B4GALNT2: variants seen among roughly 807,000 people sequenced by gnomAD.
B4GALNT2 encodes the protein beta-1,4-N-acetyl-galactosaminyltransferase 2 (SID blood group).
In B4GALNT2, 42 loss-of-function variants were observed where a neutral mutation model predicts 51.1. The observed-to-expected ratio is 0.82, with a 90% CI of 0.64 to 1.06. B4GALNT2 has a LOEUF of 1.06. Ranked by LOEUF, B4GALNT2 falls within the 50% of genes least tolerant of loss-of-function variation. The pLI, the probability that B4GALNT2 is intolerant of heterozygous loss-of-function variation, is 0.00. For missense variants in B4GALNT2, 602 were observed against 633.6 expected (o/e 0.95, Z 0.54); for synonymous variants, 253 against 251.7 (o/e 1.01, Z -0.05).
In B4GALNT2 at chr17:49,174,805, C is replaced by T. The variant is rs964262699; in HGVS notation, c.*5077C>T. ...AATGGCTGCCATCAAAAATGATATC[C>T]TAAACCTTGGCAGGAACTTTGTCTT... On this transcript the variant is annotated 3_prime_UTR_variant, in exon 11 of 11. Coordinates refer to ENST00000393354, the MANE Select transcript of B4GALNT2 (RefSeq NM_001159387.2). The T allele has an allele frequency of 1.3e-5, 2 of 152,154 alleles. No individual in the cohort carries two copies. The highest frequency in any genetic ancestry group is 4.8e-5 in the African/African-American group (2 of 41,432). 9.4% of individuals were successfully genotyped at this position (152,154 alleles called of 1,614,324 possible).
chr17:49,167,712 G>A (rs2042923821), intron 9 of B4GALNT2, among the ~76,000 whole-genome samples: 1 of 151,298 alleles, frequency 6.6e-6, no homozygotes, highest in African/African-American at 2.4e-5. Context: ...CAGGTTCAAG[G>A]GATTCTCTTG....
the B4GALNT2 span, among the ~76,000 whole-genome samples, chr17:49,127,353 T>C: frequency 2.6e-5 from 4 of 152,196 alleles, no homozygotes; most frequent in African/African-American, 9.7e-5. Flanking sequence ...TTTGACACCT[T>C]ATAGCATTTG....
chr17:49,131,022 C>T (rs115602460), upstream of B4GALNT2, among the ~76,000 whole-genome samples: 617 of 152,286 alleles, frequency 4.1e-3, 5 homozygotes, highest in African/African-American at 0.015. Context: ...TTTAGAGACA[C>T]AACTCCTAGG....
the B4GALNT2 span, among the ~76,000 whole-genome samples, chr17:49,125,305 G>A: frequency 2.6e-5 from 4 of 152,142 alleles, no homozygotes; most frequent in Non-Finnish European, 4.4e-5. Context: ...GATTACAGGC[G>A]AGCGCCACCA....
the B4GALNT2 span, among the ~76,000 whole-genome samples, chr17:49,126,791 G>A: frequency 1.3e-5 from 2 of 151,804 alleles, no homozygotes; most frequent in East Asian, 1.9e-4. Context: ...CCACCTCCTG[G>A]GTTCAAGCAA....
intron 3 of B4GALNT2, among the ~76,000 whole-genome samples, chr17:49,145,678 T>C (rs188552132): frequency 6.6e-6 from 1 of 152,304 alleles, no homozygotes; most frequent in Non-Finnish European, 1.5e-5. Context: ...ATTGGGCTAT[T>C]GTAGTTTCCC....
intron 1 of B4GALNT2, among the ~76,000 whole-genome samples, chr17:49,133,698 A>G (rs1283550215): frequency 2.6e-5 from 4 of 152,104 alleles, no homozygotes; most frequent in Non-Finnish European, 5.9e-5. Flanking sequence ...GGATCACTTG[A>G]GGTCAGGAGT....
At position 49,168,607 on chromosome 17, in the gene B4GALNT2, A is replaced by C; in HGVS notation, c.1096-74A>C. Reference sequence around the variant, plus strand: ...TCTTGTTATAACCGAGGTGCAGTCCAGCGAGTCTTCCTGGAAGAGGCAGGA... The same window carrying C: ...TCTTGTTATAACCGAGGTGCAGTCCCGCGAGTCTTCCTGGAAGAGGCAGGA... On this transcript the variant is annotated intron_variant, in intron 9 of 10. Coordinates refer to ENST00000393354, the MANE Select transcript of B4GALNT2 (RefSeq NM_001159387.2). The C allele has an allele frequency of 3.6e-6, 5 of 1,386,250 alleles. No homozygotes were observed. In the South Asian group the frequency reaches 6.2e-5, roughly 17 times the overall value. The allele number at this position is 1,386,250 out of a possible 1,614,324, so 85.9% of individuals were successfully genotyped here. A position where few individuals can be genotyped will look rare whatever the true frequency, so the allele number is the denominator to read the frequency against.
At chr17:49,153,348 G>A (rs776513453) in intron 4 of B4GALNT2, among the ~76,000 whole-genome samples, 2 of 151,666 alleles carry the variant, frequency 1.3e-5, no homozygotes, top group Non-Finnish European at 2.9e-5. Context: ...CTGGGAGGCC[G>A]AGGCTGCAGT....
At chr17:49,132,919 G>A in intron 1 of B4GALNT2, 113 bp downstream of exon 1, 1 of 1,378,144 alleles carries the variant, frequency 7.3e-7, no homozygotes, top group Non-Finnish European at 9.4e-7. Context: ...GCAGACGCCG[G>A]AGCCAGGGAG....
chr17:49,121,752 G>T, the B4GALNT2 span, among the ~76,000 whole-genome samples: 1 of 152,174 alleles, frequency 6.6e-6, no homozygotes, highest in Non-Finnish European at 1.5e-5. Flanking sequence ...ACCATTGGGG[G>T]AAGCTATCCT....
chr17:49,168,805 T>A lies in B4GALNT2; in HGVS notation c.1220T>A (p.Val407Glu), dbSNP rs750104114. 5.0e-6 allele frequency: 8 copies of A among 1,614,026 alleles called. No individual in the cohort carries two copies. The South Asian group carries it at 8.8e-5, about 18-fold the overall frequency. ...CCCCTGGATGGCTTCCCCAGCTGCG[T>A]GGTGACCAGTGGCGTGGTCAACTTC... ...FQPLDGFPSCVVTSGVVNFFL... is the reference protein window; with the variant it reads ...FQPLDGFPSCEVTSGVVNFFL... Residue 407 changes from valine to glutamate, a missense_variant, in exon 10 of 11, where the codon GTG becomes GAG. Coordinates refer to ENST00000393354, the MANE Select transcript of B4GALNT2 (RefSeq NM_001159387.2).
intron 1 of B4GALNT2, among the ~76,000 whole-genome samples, chr17:49,133,770 G>T (rs1200301203): frequency 6.6e-6 from 1 of 152,062 alleles, no homozygotes; most frequent in Non-Finnish European, 1.5e-5. Flanking sequence ...AAAATTAGCC[G>T]GGTGTGGTGG....
chr17:49,146,551 TC>T (rs1305090354), intron 3 of B4GALNT2, among the ~76,000 whole-genome samples: 7 of 152,296 alleles, frequency 4.6e-5, no homozygotes, highest in Non-Finnish European at 8.8e-5. Flanking sequence ...CCTCAAGTGA[TC>T]CACCCACCTT....
Position 49,172,270 on chromosome 17 carries a change from C to T in B4GALNT2, c.*2542C>T. The T allele has an allele frequency of 1.1e-5, 2 of 184,026 alleles. No homozygotes were observed. Among genetic ancestry groups the T allele is most frequent in the East Asian group, 2.5e-4 (2 of 8,122 alleles). The allele number at this position is 184,026 out of a possible 1,614,324, so 11.4% of individuals were successfully genotyped here. ...CCTCGGGATCCTCCTGGAATCTCTT[C>T]CTCAGCATCTGGCTCGTGGCAAGGT... On this transcript the variant is annotated 3_prime_UTR_variant, in exon 11 of 11. Transcript: ENST00000393354.
At chr17:49,160,782 GA>G (rs889883065) in intron 7 of B4GALNT2, 141 bp downstream of exon 7, 33 of 740,266 alleles carry the variant, frequency 4.5e-5, no homozygotes, top group South Asian at 1.4e-4. Context: ...TCGTTTGGAG[GA>G]AAAAAACTCT....
rs542854521 is a variant in B4GALNT2 at position 49,164,035 on chromosome 17, A to G, written c.767-53A>G. ...AGCCATCAGATCAAAGCAGGAAAAG[A>G]CAGTGAAGCTTCCTACAGGACAGAG... is the stretch of plus-strand genomic sequence containing the variant. On this transcript the variant is annotated intron_variant, in intron 7 of 10. Transcript: ENST00000393354. 3.2e-5 allele frequency: 49 copies of G among 1,533,590 alleles called. 1 individual carries two copies. The African/African-American group carries it at 6.0e-4, about 19-fold the overall frequency. 95.0% of individuals were successfully genotyped at this position (1,533,590 alleles called of 1,614,324 possible).
rs1271556831 is a variant in B4GALNT2 at position 49,176,767 on chromosome 17, G to A, written c.*7039G>A. ...AAACTTTTTCTTCCTGTGGCCTAGGGTAGTTCAGGATCACTAAAAATGTGT... is the reference window on the plus strand; with the variant it reads ...AAACTTTTTCTTCCTGTGGCCTAGGATAGTTCAGGATCACTAAAAATGTGT... On this transcript the variant is annotated 3_prime_UTR_variant, in exon 11 of 11. Coordinates refer to ENST00000393354, the MANE Select transcript of B4GALNT2 (RefSeq NM_001159387.2). 1 of 152,150 alleles carries A rather than the reference G, an allele frequency of 6.6e-6. No homozygotes were observed. Among genetic ancestry groups the A allele is most frequent in the Non-Finnish European group, 1.5e-5 (1 of 68,036 alleles). The allele number at this position is 152,150 out of a possible 1,614,324, so 9.4% of individuals were successfully genotyped here.
At chr17:49,148,515 C>G in intron 3 of B4GALNT2, 1 of 339,466 alleles carries the variant, frequency 2.9e-6, no homozygotes, top group Non-Finnish European at 5.8e-6. Context: ...AGTCTCTGGA[C>G]AGCTGTGGCA....
Sources: allele counts gnomAD v4.1 joint callset (sites outside exome capture counted in the v4.1 genomes callset), GRCh38; gene constraint gnomAD v4.1.1; transcripts MANE v1.5; gene names NCBI Gene and HGNC (gene_info 2026-07-23, HGNC 2026-07-21).